UBE2L3: variants seen among roughly 807,000 people sequenced by gnomAD.
The protein encoded by UBE2L3 is ubiquitin-conjugating enzyme E2 L3.
Under a neutral mutation model 17.8 loss-of-function variants are expected in UBE2L3, and 1 was observed. That is an observed-to-expected ratio of 0.06 (90% CI 0.02 to 0.27). The LOEUF (loss-of-function observed/expected upper bound fraction) is 0.27, where lower values mean the gene tolerates loss of function less well. UBE2L3 is among the 10% of genes least tolerant of loss of function. UBE2L3 has a pLI of 1.00. For synonymous variants in UBE2L3, 44 were observed against 68.5 expected, an observed-to-expected ratio of 0.64 and a Z score of 1.76; for missense variants, 40 against 192.6, an observed-to-expected ratio of 0.21 and a Z score of 4.69.
intron 1 of UBE2L3, among the ~76,000 whole-genome samples, chr22:21,578,447 G>A (rs944961804): frequency 2.6e-5 from 4 of 151,998 alleles, no homozygotes; most frequent in South Asian, 2.1e-4. Context: ...GGCAGTTCCC[G>A]TCGTGCCCAT....
intron 1 of UBE2L3, among the ~76,000 whole-genome samples, chr22:21,551,866 AACACACAC>A (rs1178845974): frequency 2.8e-4 from 1 of 3,620 alleles, no homozygotes; most frequent in African/African-American, 2.5e-3. Context: ...CTGCAGAAGA[AACACACAC>A]ACACACACAC....
intron 1 of UBE2L3, among the ~76,000 whole-genome samples, chr22:21,591,721 A>G (rs1346701455): frequency 2.0e-5 from 3 of 152,096 alleles, no homozygotes; most frequent in Non-Finnish European, 4.4e-5. Flanking sequence ...TTGAAGTACC[A>G]CGTAAGGAGG....
intron 3 of UBE2L3, among the ~76,000 whole-genome samples, chr22:21,619,917 C>T (rs1929968009): frequency 6.6e-6 from 1 of 152,138 alleles, no homozygotes; most frequent in Non-Finnish European, 1.5e-5. Context: ...GTCTTGAGCT[C>T]CTGACCTCAG....
At chr22:21,596,029 C>G (rs1928504001) in intron 2 of UBE2L3, among the ~76,000 whole-genome samples, 1 of 152,034 alleles carries the variant, frequency 6.6e-6, no homozygotes, top group African/African-American at 2.4e-5. Context: ...CCACACCCCG[C>G]TAATTTTTGT....
intron 2 of UBE2L3, among the ~76,000 whole-genome samples, chr22:21,595,987 T>A (rs549237555): frequency 3.6e-4 from 55 of 152,044 alleles, no homozygotes; most frequent in Admixed American, 1.5e-3. Flanking sequence ...TGCCTCAGCC[T>A]CCCAAGTAGC....
chr22:21,564,390 T>A (rs1461117930), upstream of UBE2L3, among the ~76,000 whole-genome samples: 1 of 152,042 alleles, frequency 6.6e-6, no homozygotes, highest in Non-Finnish European at 1.5e-5. Flanking sequence ...ATGAACAAGG[T>A]TTGGCTGAGT....
intron 1 of UBE2L3, among the ~76,000 whole-genome samples, chr22:21,562,459 C>A (rs1050659676): frequency 1.3e-5 from 2 of 151,652 alleles, no homozygotes; most frequent in Non-Finnish European, 2.9e-5. Context: ...GCAAACTCCG[C>A]CTCCCGGGTT....
chr22:21,608,692 T>C (rs939547892), intron 2 of UBE2L3, among the ~76,000 whole-genome samples: 10 of 151,642 alleles, frequency 6.6e-5, no homozygotes, highest in Admixed American at 2.0e-4. Flanking sequence ...CCCAAAGTGC[T>C]GGGATTACAG....
intron 1 of UBE2L3, among the ~76,000 whole-genome samples, chr22:21,556,056 A>G (rs1202677640): frequency 6.6e-6 from 1 of 152,092 alleles, no homozygotes; most frequent in African/African-American, 2.4e-5. Flanking sequence ...GCAACATGAC[A>G]CCCACCTCTA....
At chr22:21,616,962 G>C (rs1405832396) in intron 3 of UBE2L3, among the ~76,000 whole-genome samples, 1 of 151,872 alleles carries the variant, frequency 6.6e-6, no homozygotes, top group Non-Finnish European at 1.5e-5. Flanking sequence ...TGTAATCCCA[G>C]CACTTTGGGA....
chr22:21,559,052 G>T (rs1232096390), intron 1 of UBE2L3, among the ~76,000 whole-genome samples: 1 of 151,416 alleles, frequency 6.6e-6, no homozygotes. Context: ...TCTCACCTAT[G>T]AAATAAAAGT....
chr22:21,587,852 G>C (rs1223172664), intron 1 of UBE2L3, among the ~76,000 whole-genome samples: 2 of 152,158 alleles, frequency 1.3e-5, no homozygotes, highest in African/African-American at 4.8e-5. Flanking sequence ...TTTGGGGCAT[G>C]GGTGTTTTCC....
At chr22:21,615,217 A>G (rs1243771214) in intron 3 of UBE2L3, among the ~76,000 whole-genome samples, 1 of 152,072 alleles carries the variant, frequency 6.6e-6, no homozygotes, top group African/African-American at 2.4e-5. Context: ...TTATTTAGCC[A>G]TAAAAAGCAA....
chr22:21,616,599 C>G (rs888426251), intron 3 of UBE2L3, among the ~76,000 whole-genome samples: 54 of 150,630 alleles, frequency 3.6e-4, no homozygotes, highest in Non-Finnish European at 1.5e-5. Context: ...TTGCAGTGAG[C>G]TGAGATCACG....
rs1180457235 is a variant in UBE2L3 at position 21,610,490 on chromosome 22, C to T, written c.124-367C>T. On this transcript the variant is annotated intron_variant, in intron 2 of 3. Coordinates refer to ENST00000342192, the MANE Select transcript of UBE2L3 (RefSeq NM_003347.4). ...TTCATTGGTGGTAACAAATTTGCCCCTCTGGTGAGGGATGCTGATAGTGGG... is the reference window on the plus strand; with the variant it reads ...TTCATTGGTGGTAACAAATTTGCCCTTCTGGTGAGGGATGCTGATAGTGGG... Among the ~76,000 whole-genome samples the T allele has an allele frequency of 3.9e-5, 6 of 152,294 alleles. 1 individual carries two copies. In the South Asian group the frequency reaches 6.2e-4, roughly 16 times the overall value.
intron 1 of UBE2L3, among the ~76,000 whole-genome samples, chr22:21,569,152 C>CT (rs1926817695): frequency 6.6e-6 from 1 of 151,632 alleles, no homozygotes; most frequent in Admixed American, 6.6e-5. Flanking sequence ...CCCAGCACTC[C>CT]TGGGAGGCCG....
intron 2 of UBE2L3, among the ~76,000 whole-genome samples, chr22:21,600,695 CA>C (rs906098523): frequency 3.3e-5 from 5 of 150,144 alleles, no homozygotes; most frequent in African/African-American, 1.2e-4. Context: ...GACTCCATCT[CA>C]AAAAAAAGGA....
intron 2 of UBE2L3, among the ~76,000 whole-genome samples, chr22:21,597,779 T>TG (rs1284920650): frequency 1.4e-5 from 1 of 70,710 alleles, no homozygotes; most frequent in African/African-American, 8.1e-5. Flanking sequence ...ATGTAGATTT[T>TG]TTTTTTTTTT....
At chr22:21,614,693 T>A in intron 3 of UBE2L3, 1 of 1,317,834 alleles carries the variant, frequency 7.6e-7, no homozygotes, top group Non-Finnish European at 1.0e-6. Context: ...AATAGTAATA[T>A]GAAAAGATGC....
Sources: gnomAD v4.1 joint callset for allele counts (sites outside exome capture counted in the v4.1 genomes callset) on GRCh38, gnomAD v4.1.1 for gene constraint, MANE v1.5 for transcripts, NCBI Gene and HGNC (gene_info 2026-07-23, HGNC 2026-07-21) for gene names.